Variants in PGCKA1 observed in about 807,000 individuals in gnomAD.
The protein encoded by PGCKA1 is PDCD10 and GCKIII kinases associated 1, also known as PDCD10 and GCKIII kinases-associated protein 1.
the PGCKA1 span, among the ~76,000 whole-genome samples, chr4:37,571,277 G>A: frequency 2.0e-5 from 3 of 149,962 alleles, no homozygotes; most frequent in African/African-American, 7.3e-5. Context: ...TACACAGGAT[G>A]ATGTGTAGGT....
chr4:37,528,682 T>G, the PGCKA1 span, among the ~76,000 whole-genome samples: 2 of 152,218 alleles, frequency 1.3e-5, no homozygotes, highest in African/African-American at 2.4e-5. Flanking sequence ...GATTGATGCA[T>G]TGTTCTCCTA....
At chr4:37,470,454 C>G in the PGCKA1 span, among the ~76,000 whole-genome samples, 2 of 152,030 alleles carry the variant, frequency 1.3e-5, no homozygotes, top group African/African-American at 2.4e-5. Flanking sequence ...AAAATATTTG[C>G]CTACTGTATG....
the PGCKA1 span, among the ~76,000 whole-genome samples, chr4:37,481,214 GT>G: frequency 6.6e-6 from 1 of 151,996 alleles, no homozygotes; most frequent in East Asian, 1.9e-4. Flanking sequence ...TTGAAACCCT[GT>G]GTTAGTCGGC....
At chr4:37,593,506 C>A in the PGCKA1 span, among the ~76,000 whole-genome samples, 1 of 151,888 alleles carries the variant, frequency 6.6e-6, no homozygotes, top group Non-Finnish European at 1.5e-5. Flanking sequence ...GGAATAAAAA[C>A]CCCACTCACT....
At chr4:37,564,515 ATTTT>A in the PGCKA1 span, among the ~76,000 whole-genome samples, 1 of 150,976 alleles carries the variant, frequency 6.6e-6, no homozygotes, top group African/African-American at 2.4e-5. Flanking sequence ...TTATTTATTT[ATTTT>A]TTTTGAGATG....
the PGCKA1 span, among the ~76,000 whole-genome samples, chr4:37,537,481 G>A: frequency 1.3e-5 from 2 of 152,158 alleles, no homozygotes; most frequent in Non-Finnish European, 2.9e-5. Flanking sequence ...CATAAAAGTG[G>A]TAGAATTTTC....
At chr4:37,593,127 A>G in the PGCKA1 span, among the ~76,000 whole-genome samples, 3 of 152,232 alleles carry the variant, frequency 2.0e-5, no homozygotes, top group East Asian at 5.8e-4. Flanking sequence ...CATTAGAGGT[A>G]TGTCTCCTTT....
the PGCKA1 span, among the ~76,000 whole-genome samples, chr4:37,551,520 A>G: frequency 6.6e-6 from 1 of 152,326 alleles, no homozygotes; most frequent in Non-Finnish European, 1.5e-5. Context: ...CAGATAAGAA[A>G]TGCTATCTAT....
the PGCKA1 span, among the ~76,000 whole-genome samples, chr4:37,586,268 T>C: frequency 6.6e-6 from 1 of 152,146 alleles, no homozygotes; most frequent in Non-Finnish European, 1.5e-5. Context: ...TGGCACAAAC[T>C]GGAAATGTCT....
the PGCKA1 span, among the ~76,000 whole-genome samples, chr4:37,576,906 C>G: frequency 6.6e-6 from 1 of 152,130 alleles, no homozygotes; most frequent in Non-Finnish European, 1.5e-5. Context: ...ACCATCCTTC[C>G]ATCCCTGGGA....
chr4:37,560,655 A>C, the PGCKA1 span, among the ~76,000 whole-genome samples: 335 of 152,218 alleles, frequency 2.2e-3, 1 homozygote, highest in African/African-American at 7.7e-3. Context: ...CTACATCAAG[A>C]AACTCACAGC....
chr4:37,567,063 A>C, the PGCKA1 span, among the ~76,000 whole-genome samples: 6,775 of 134,970 alleles, frequency 0.05, 387 homozygotes, highest in South Asian at 0.15. Flanking sequence ...CCAGCGGACA[A>C]AAAAAAATAA....
the PGCKA1 span, among the ~76,000 whole-genome samples, chr4:37,550,461 A>G: frequency 6.6e-6 from 1 of 152,208 alleles, no homozygotes; most frequent in African/African-American, 2.4e-5. Flanking sequence ...AAACAGGATT[A>G]AAAAGGTCCT....
At chr4:37,537,810 AT>A in the PGCKA1 span, among the ~76,000 whole-genome samples, 1 of 152,200 alleles carries the variant, frequency 6.6e-6, no homozygotes, top group African/African-American at 2.4e-5. Context: ...TCTCCAAAAT[AT>A]ATTAGTTGTG....
At chr4:37,576,282 A>G in the PGCKA1 span, among the ~76,000 whole-genome samples, 3 of 152,174 alleles carry the variant, frequency 2.0e-5, no homozygotes, top group Non-Finnish European at 4.4e-5. Context: ...TATAGTCTTC[A>G]TAGTAGAGAT....
At chr4:37,504,160 A>C in the PGCKA1 span, among the ~76,000 whole-genome samples, 1 of 152,188 alleles carries the variant, frequency 6.6e-6, no homozygotes, top group East Asian at 1.9e-4. Context: ...ATTCTTTTGC[A>C]TATGGCTATC....
the PGCKA1 span, among the ~76,000 whole-genome samples, chr4:37,570,869 A>G: frequency 6.6e-6 from 1 of 152,214 alleles, no homozygotes; most frequent in African/African-American, 2.4e-5. Flanking sequence ...CTGTCTCCCA[A>G]GATGGGAAGG....
chr4:37,468,138 G>T, the PGCKA1 span, among the ~76,000 whole-genome samples: 2 of 152,150 alleles, frequency 1.3e-5, no homozygotes, highest in African/African-American at 4.8e-5. Flanking sequence ...ACTTTAATCT[G>T]TTGATAATGT....
the PGCKA1 span, among the ~76,000 whole-genome samples, chr4:37,584,881 T>C: frequency 1.3e-5 from 2 of 151,990 alleles, no homozygotes; most frequent in African/African-American, 4.8e-5. Flanking sequence ...TTCACCATCA[T>C]AAAGTTGACC....
Sources: allele counts gnomAD v4.1 joint callset (sites outside exome capture counted in the v4.1 genomes callset), GRCh38; gene constraint gnomAD v4.1.1; transcripts MANE v1.5; gene names NCBI Gene and HGNC (gene_info 2026-07-23, HGNC 2026-07-21).